MCF2L: variants seen among roughly 807,000 people sequenced by gnomAD.
The protein encoded by MCF2L is MCF.2 cell line derived transforming sequence like.
MCF2L carries 97 observed loss-of-function variants against 153.4 expected under a neutral mutation model. The observed-to-expected ratio is 0.63, with a 90% confidence interval of 0.54 to 0.75. The LOEUF is 0.75. Ranked by LOEUF, MCF2L falls within the 30% of genes least tolerant of loss-of-function variation. MCF2L has a pLI of 0.00. For synonymous variants in MCF2L, 659 were observed against 632.2 expected (o/e 1.04, Z -0.64); for missense variants, 1,347 against 1,495.2 (o/e 0.90, Z 1.64).
chr13:113,030,337 C>T (rs1304992431), intron 3 of MCF2L, among the ~76,000 whole-genome samples: 2 of 138,410 alleles, frequency 1.4e-5, no homozygotes, highest in Non-Finnish European at 3.1e-5. Context: ...TGTCTGCCGA[C>T]GCCCGGTGTG....
At position 113,050,061 on chromosome 13, in the gene MCF2L, T is replaced by C. The variant is rs1288314983; in HGVS notation, c.369+4700T>C. The stretch of plus-strand genomic sequence containing the variant: ...ATCCTCTGAGAACTCACGTCTCTTC[T>C]CCCTTAGGCAGTTGTGCGGTCCTCA... On this transcript the variant is annotated intron_variant, in intron 4 of 29. Transcript: ENST00000535094. 2.0e-5 allele frequency among the ~76,000 whole-genome samples: 3 copies of C among 152,196 alleles called. No homozygotes were observed. The East Asian group carries it at 5.8e-4, about 29-fold the overall frequency.
intron 1 of MCF2L, among the ~76,000 whole-genome samples, chr13:113,005,552 G>T (rs2083638252): frequency 6.6e-6 from 1 of 151,910 alleles, no homozygotes. Context: ...TTGGTTCTGG[G>T]TGGCTGTGGT....
At chr13:113,093,231 G>A (rs1462152537) in intron 26 of MCF2L, among the ~76,000 whole-genome samples, 1 of 152,244 alleles carries the variant, frequency 6.6e-6, no homozygotes, top group Admixed American at 6.5e-5. Flanking sequence ...AGCTGCAGGT[G>A]CACTCAGGAG....
At chr13:113,017,417 C>T (rs905976055) in intron 2 of MCF2L, among the ~76,000 whole-genome samples, 3 of 152,244 alleles carry the variant, frequency 2.0e-5, no homozygotes, top group Non-Finnish European at 2.9e-5. Flanking sequence ...CAAAGCCCCT[C>T]TGCCTTTCTC....
intron 2 of MCF2L, chr13:112,956,777 GC>G (rs1359553013): frequency 6.6e-6 from 1 of 152,258 alleles, no homozygotes; most frequent in Non-Finnish European, 1.5e-5. Flanking sequence ...GGGAATCCAG[GC>G]CTGCTGTGTC....
intron 2 of MCF2L, among the ~76,000 whole-genome samples, chr13:112,903,151 G>A (rs1222095187): frequency 2.6e-5 from 4 of 152,250 alleles, no homozygotes; most frequent in African/African-American, 9.6e-5. Context: ...GCCTGGCATT[G>A]CAAAATCCAT....
intron 2 of MCF2L, among the ~76,000 whole-genome samples, chr13:112,916,253 C>A (rs888314183): frequency 1.3e-5 from 2 of 149,434 alleles, no homozygotes; most frequent in African/African-American, 2.6e-5. Flanking sequence ...TGTCCCTTCT[C>A]TCTTTTTCCT....
intron 4 of MCF2L, among the ~76,000 whole-genome samples, chr13:113,057,199 T>C (rs576129805): frequency 3.4e-5 from 5 of 146,358 alleles, no homozygotes; most frequent in Admixed American, 2.7e-4. Flanking sequence ...GTTTTGGTGC[T>C]GAGTGTTTAG....
At chr13:112,982,234 C>T (rs1246507086) in intron 1 of MCF2L, among the ~76,000 whole-genome samples, 1 of 152,188 alleles carries the variant, frequency 6.6e-6, no homozygotes, top group Non-Finnish European at 1.5e-5. Flanking sequence ...GCCGTGCCCA[C>T]CTCGTGAAGG....
At chr13:113,061,180 G>A (rs9549649) in intron 5 of MCF2L, among the ~76,000 whole-genome samples, 61,867 of 151,952 alleles carry the variant, frequency 0.41, 12,849 homozygotes, top group Middle Eastern at 0.48. Flanking sequence ...GGGATGGGCC[G>A]GACCTGTCCT....
At chr13:112,895,812 G>C (rs545802860) in intron 1 of MCF2L, among the ~76,000 whole-genome samples, 10 of 152,106 alleles carry the variant, frequency 6.6e-5, no homozygotes, top group Non-Finnish European at 1.3e-4. Context: ...CAACTTCACC[G>C]GGCTGTGCAG....
At position 113,027,890 on chromosome 13, in the gene MCF2L, G is replaced by T. The variant is rs2085413105; in HGVS notation, c.278+3132G>T. ...GCTCCAGGTGTGCTGTGGCCAGAGGGGTGTCCTGGGGAGGGCGGTCATCTC... is the reference window on the plus strand; with the variant it reads ...GCTCCAGGTGTGCTGTGGCCAGAGGTGTGTCCTGGGGAGGGCGGTCATCTC... On this transcript the variant is annotated intron_variant, in intron 3 of 29. Transcript: ENST00000535094. This position sits in a 1 kb window ranked among gnomAD's most constrained non-coding sequence, Gnocchi z 4.8. Among the ~76,000 whole-genome samples, 1 of 152,242 alleles carries T rather than the reference G, an allele frequency of 6.6e-6. No homozygotes were observed. Among genetic ancestry groups the T allele is most frequent in the Admixed American group, 6.5e-5 (1 of 15,288 alleles).
intron 4 of MCF2L, among the ~76,000 whole-genome samples, chr13:113,056,885 CTG>C (rs2141687496): frequency 9.4e-6 from 1 of 106,298 alleles, no homozygotes; most frequent in Non-Finnish European, 1.8e-5. Context: ...TGAGTGGGTG[CTG>C]TGTGTTTGGG....
At chr13:113,041,231 G>T (rs2086462539) in intron 3 of MCF2L, among the ~76,000 whole-genome samples, 1 of 152,144 alleles carries the variant, frequency 6.6e-6, no homozygotes, top group Non-Finnish European at 1.5e-5. Context: ...ACTGCTTCCT[G>T]CTGAAACTGG....
intron 2 of MCF2L, chr13:112,958,007 C>A (rs1011038543): frequency 6.6e-6 from 1 of 152,204 alleles, no homozygotes; most frequent in Non-Finnish European, 1.5e-5. Flanking sequence ...CCTAAAATTT[C>A]TTCATTCAGC....
At chr13:113,078,559 G>T in intron 14 of MCF2L, 107 bp from the exon 15 acceptor site, 1 of 1,394,444 alleles carries the variant, frequency 7.2e-7, no homozygotes. Flanking sequence ...TCCCCATCGT[G>T]GGAATTCAGC....
At chr13:113,034,225 C>T (rs1192661091) in intron 3 of MCF2L, 1 of 150,310 alleles carries the variant, frequency 6.7e-6, no homozygotes, top group Non-Finnish European at 1.5e-5. Flanking sequence ...CAGCCTCAAC[C>T]TTCCCAGCTC....
intron 3 of MCF2L, among the ~76,000 whole-genome samples, chr13:113,041,395 G>T (rs1444749015): frequency 1.3e-5 from 2 of 152,186 alleles, no homozygotes; most frequent in African/African-American, 4.8e-5. Flanking sequence ...ATGGGCCGTG[G>T]GGGGGCGGGG....
intron 2 of MCF2L, among the ~76,000 whole-genome samples, chr13:112,912,956 ATC>A (rs2081249317): frequency 1.6e-5 from 2 of 125,620 alleles, no homozygotes; most frequent in African/African-American, 6.4e-5. Flanking sequence ...TCTGTGGTGT[ATC>A]TGTGTCTGTA....
Sources: allele counts gnomAD v4.1 joint callset (sites outside exome capture counted in the v4.1 genomes callset), GRCh38; gene constraint gnomAD v4.1.1; non-coding constraint Gnocchi (gnomAD v3.1); transcripts MANE v1.5; gene names NCBI Gene and HGNC (gene_info 2026-07-23, HGNC 2026-07-21).